PRKN: variants seen among roughly 807,000 people sequenced by gnomAD.
PRKN encodes the protein E3 ubiquitin-protein ligase parkin.
A neutral mutation model predicts 59.5 loss-of-function variants in PRKN; 56 were observed. The ratio of observed to expected loss-of-function variants is 0.94; its 90% confidence interval spans 0.76 to 1.18. The LOEUF is 1.18. Among genes scored for constraint, PRKN ranks in the 50% most tolerant of loss-of-function variants. The pLI, the probability that PRKN is intolerant of heterozygous loss-of-function variation, is 0.00. For synonymous variants in PRKN, 250 were observed against 222.1 expected (o/e 1.13, Z -1.12); for missense variants, 657 against 596.4 (o/e 1.10, Z -1.06).
At chr6:162,146,930 A>C (rs574639849) in intron 4 of PRKN, among the ~76,000 whole-genome samples, 2 of 150,574 alleles carry the variant, frequency 1.3e-5, no homozygotes, top group East Asian at 4.0e-4. Context: ...AGGGTTTCAC[A>C]GTATTGGTCA....
intron 1 of PRKN, among the ~76,000 whole-genome samples, chr6:162,453,316 T>C (rs1261991433): frequency 6.6e-6 from 1 of 152,212 alleles, no homozygotes; most frequent in African/African-American, 2.4e-5. Context: ...AATTCCCTCC[T>C]CTCTCTCTTT....
rs1234551841 is a variant in PRKN at position 161,456,826 on chromosome 6, C to A, written c.1084-69949G>T. Among the ~76,000 whole-genome samples the A allele has an allele frequency of 6.6e-6, 1 of 152,166 alleles. No homozygotes were observed. The highest frequency in any genetic ancestry group is 1.9e-4 in the East Asian group (1 of 5,176). On this transcript the variant is annotated intron_variant, in intron 9 of 11. Coordinates refer to ENST00000366898, the MANE Select transcript of PRKN (RefSeq NM_004562.3). The surrounding 1 kb of genome is among the most constrained non-coding windows in gnomAD (Gnocchi z 4.8). ...CTTCCACCCACATGCCCAGAGAGCT[C>A]AGGGCTTCCTCAGGAGAAGAGATGG...
chr6:161,750,098 C>CAT (rs72125109), intron 7 of PRKN, among the ~76,000 whole-genome samples: 3,340 of 145,050 alleles, frequency 0.023, 48 homozygotes, highest in Middle Eastern at 0.055. Context: ...ACACATAGGA[C>CAT]ATATATATAT....
chr6:162,506,755 T>A (rs1407893267), intron 1 of PRKN, among the ~76,000 whole-genome samples: 1 of 152,084 alleles, frequency 6.6e-6, no homozygotes, highest in Non-Finnish European at 1.5e-5. Flanking sequence ...TTTAGGAAAG[T>A]TCAAGGAGCA....
chr6:162,272,749 G>C (rs759669896), intron 2 of PRKN, among the ~76,000 whole-genome samples: 2 of 152,046 alleles, frequency 1.3e-5, no homozygotes, highest in South Asian at 2.1e-4. Flanking sequence ...TGTAATCCCA[G>C]CACTTTGGGA....
chr6:161,913,734 T>C (rs1040578128), intron 6 of PRKN, among the ~76,000 whole-genome samples: 1 of 152,238 alleles, frequency 6.6e-6, no homozygotes, highest in Non-Finnish European at 1.5e-5. Flanking sequence ...GACTGAATGC[T>C]TGTGTCTCCC....
At chr6:161,597,176 C>T (rs1781946140) in intron 7 of PRKN, among the ~76,000 whole-genome samples, 1 of 152,172 alleles carries the variant, frequency 6.6e-6, no homozygotes, top group African/African-American at 2.4e-5. Context: ...GTGATGAACA[C>T]ATGCCGAAAG....
chr6:162,702,351 T>C (rs1421918970), intron 1 of PRKN, among the ~76,000 whole-genome samples: 1 of 152,116 alleles, frequency 6.6e-6, no homozygotes, highest in Non-Finnish European at 1.5e-5. Flanking sequence ...CATATTCTAC[T>C]TCCTTCATAG....
At chr6:162,708,611 C>T (rs964907059) in intron 1 of PRKN, among the ~76,000 whole-genome samples, 1 of 152,182 alleles carries the variant, frequency 6.6e-6, no homozygotes. Context: ...CAAATTTTCT[C>T]CCACTTTGAA....
chr6:162,640,097 A>T (rs1348456744), intron 1 of PRKN, among the ~76,000 whole-genome samples: 1 of 152,060 alleles, frequency 6.6e-6, no homozygotes, highest in Non-Finnish European at 1.5e-5. Context: ...CTGGTAAGAA[A>T]TCATACCTTC....
At chr6:161,872,420 ATCT>A (rs1389800160) in intron 6 of PRKN, among the ~76,000 whole-genome samples, 1 of 152,130 alleles carries the variant, frequency 6.6e-6, no homozygotes, top group Non-Finnish European at 1.5e-5. Context: ...TCTTTCTCAA[ATCT>A]TCTCCATTGC....
At chr6:162,214,825 C>T (rs1367070845) in intron 3 of PRKN, among the ~76,000 whole-genome samples, 1 of 152,152 alleles carries the variant, frequency 6.6e-6, no homozygotes, top group African/African-American at 2.4e-5. Flanking sequence ...AAAATTTTTA[C>T]ATGTGTTCAC....
intron 6 of PRKN, among the ~76,000 whole-genome samples, chr6:161,802,382 C>T (rs1027000702): frequency 4.6e-5 from 7 of 151,804 alleles, no homozygotes; most frequent in Admixed American, 1.3e-4. Flanking sequence ...CCTCCCCACA[C>T]AGGCCCCACA....
At position 162,158,825 on chromosome 6, in the gene PRKN, A is replaced by G. The variant is rs937657564; in HGVS notation, c.534+42306T>C. On this transcript the variant is annotated intron_variant, in intron 4 of 11. Transcript: ENST00000366898. ...GGTCCATGTTACTTGGGACTATTAT[A>G]GGCTTCAAACGAGTCTCGTATGAGC... 3.3e-5 allele frequency among the ~76,000 whole-genome samples: 5 copies of G among 151,912 alleles called. No homozygotes were observed. The South Asian group carries it at 8.3e-4, about 25-fold the overall frequency.
chr6:162,721,054 CAG>C (rs1778924330), intron 1 of PRKN, among the ~76,000 whole-genome samples: 1 of 152,168 alleles, frequency 6.6e-6, no homozygotes, highest in Non-Finnish European at 1.5e-5. Flanking sequence ...GGCCTTTAAT[CAG>C]AGATGATGTA....
At chr6:162,261,328 A>G (rs1779877334) in intron 3 of PRKN, among the ~76,000 whole-genome samples, 1 of 152,180 alleles carries the variant, frequency 6.6e-6, no homozygotes, top group African/African-American at 2.4e-5. Flanking sequence ...TCAGCTTAAA[A>G]TAATACTTAT....
At chr6:162,469,850 A>G (rs536730249) in intron 1 of PRKN, among the ~76,000 whole-genome samples, 5 of 152,250 alleles carry the variant, frequency 3.3e-5, no homozygotes, top group African/African-American at 1.2e-4. Flanking sequence ...CATGTAGCCA[A>G]ATATCACCTG....
intron 1 of PRKN, among the ~76,000 whole-genome samples, chr6:162,568,014 A>G (rs1389520015): frequency 6.6e-6 from 1 of 152,218 alleles, no homozygotes; most frequent in Non-Finnish European, 1.5e-5. Context: ...ATACACTGGG[A>G]AAAAGAGTTT....
intron 3 of PRKN, among the ~76,000 whole-genome samples, chr6:162,213,357 C>T (rs1777484004): frequency 6.6e-6 from 1 of 152,154 alleles, no homozygotes; most frequent in South Asian, 2.1e-4. Context: ...TAGAATAACA[C>T]TGAGATGTAT....
Sources: allele counts gnomAD v4.1 joint callset (sites outside exome capture counted in the v4.1 genomes callset), GRCh38; gene constraint gnomAD v4.1.1; non-coding constraint Gnocchi (gnomAD v3.1); transcripts MANE v1.5; gene names NCBI Gene and HGNC (gene_info 2026-07-23, HGNC 2026-07-21).